Variants in LARP1B observed in about 807,000 individuals in gnomAD.
The protein encoded by LARP1B is la-related protein 1B.
LARP1B carries 76 observed loss-of-function variants against 114.2 expected under a neutral mutation model. The ratio of observed to expected loss-of-function variants is 0.67; its 90% confidence interval spans 0.55 to 0.81. LARP1B has a LOEUF of 0.81. Ranked by LOEUF, LARP1B falls within the 30% of genes least tolerant of loss-of-function variation. The pLI, the probability that LARP1B is intolerant of heterozygous loss-of-function variation, is 0.00. For synonymous variants in LARP1B, 345 were observed against 348.0 expected, an observed-to-expected ratio of 0.99 and a Z score of 0.10; for missense variants, 1,014 against 1,075.8, an observed-to-expected ratio of 0.94 and a Z score of 0.80.
In LARP1B at chr4:128,178,455, A is replaced by C. The variant is rs1429403458; in HGVS notation, c.1709A>C (p.Lys570Thr). 1 of 1,613,720 alleles carries C rather than the reference A, an allele frequency of 6.2e-7. No individual in the cohort carries two copies. The highest frequency in any genetic ancestry group is 1.7e-5 in the Admixed American group (1 of 59,996). ...KKDLTDELAQ[K>T]LFDVSEITSA... ...GATTTGACTGATGAATTAGCTCAGA[A>C]GTTATTTGATGTTTCAGAAATAACT... The change falls in exon 14 of 20, where the codon AAG becomes ACG. Residue 570 changes from lysine (K) to threonine (T), a missense_variant. Physicochemically the swap from Lys to Thr is moderately conservative, Grantham distance 78 (BLOSUM62 -1). Transcript: ENST00000326639.
At chr4:128,087,596 C>T (rs1402021554) in intron 5 of LARP1B, among the ~76,000 whole-genome samples, 2 of 152,162 alleles carry the variant, frequency 1.3e-5, no homozygotes, top group Admixed American at 6.6e-5. Flanking sequence ...GAGATGTTGA[C>T]GCTTTATCAC....
chr4:128,150,720 C>T (rs1732404821), intron 11 of LARP1B, among the ~76,000 whole-genome samples: 2 of 151,788 alleles, frequency 1.3e-5, no homozygotes, highest in Admixed American at 1.3e-4. Flanking sequence ...GACAGCAAGA[C>T]TCTGTCTTGG....
At chr4:128,199,678 A>G (rs1015166143) in intron 16 of LARP1B, 79 bp downstream of exon 16, 8 of 659,614 alleles carry the variant, frequency 1.2e-5, no homozygotes, top group African/African-American at 5.7e-5. Flanking sequence ...TTGTCATTTA[A>G]TATCAGGTTA....
chr4:128,062,286 C>A lies in LARP1B; in HGVS notation c.-78+885C>A. 1.0e-5 allele frequency: 10 copies of A among 985,268 alleles called. No homozygotes were observed. In the South Asian group the frequency reaches 4.7e-4, roughly 46 times the overall value. The allele number at this position is 985,268 out of a possible 1,614,324, so 61.0% of individuals were successfully genotyped here. On this transcript the variant is annotated intron_variant, in intron 1 of 19. Transcript: ENST00000326639. Reference sequence around the variant, plus strand: ...AGGGGCGACTTGCGGGACTTGCCGGCGCGTGGCGGCGGTAGCGGGCACCAG... The same window carrying A: ...AGGGGCGACTTGCGGGACTTGCCGGAGCGTGGCGGCGGTAGCGGGCACCAG...
intron 12 of LARP1B, among the ~76,000 whole-genome samples, 157 bp from the exon 13 acceptor site, chr4:128,176,715 T>A (rs1246881110): frequency 6.6e-6 from 1 of 152,218 alleles, no homozygotes; most frequent in African/African-American, 2.4e-5. Flanking sequence ...TAGTATTCGA[T>A]GCAGTTGTGG....
intron 15 of LARP1B, among the ~76,000 whole-genome samples, chr4:128,194,967 T>G (rs1048486056): frequency 3.3e-5 from 5 of 152,176 alleles, no homozygotes; most frequent in African/African-American, 1.2e-4. Flanking sequence ...CATGGTTATT[T>G]TAAAGTTCAT....
In LARP1B at chr4:128,091,481, G is replaced by A; in HGVS notation, c.637G>A (p.Ala213Thr). The A allele has an allele frequency of 6.2e-7, 1 of 1,610,420 alleles. No homozygotes were observed. Among genetic ancestry groups the A allele is most frequent in the Non-Finnish European group, 8.5e-7 (1 of 1,178,778 alleles). ...TGVQVYPVEE[A>T]LLKEYIKRQI... ...TGTACAGGTGTATCCTGTGGAAGAA[G>A]CATTGCTTAAAGAGTATATTAAGCG... Residue 213 changes from alanine (A) to threonine (T), a missense_variant, in exon 7 of 20, where the codon GCA (alanine) becomes ACA (threonine). Ala to Thr is a moderately conservative substitution (Grantham distance 58). Coordinates refer to ENST00000326639, the MANE Select transcript of LARP1B (RefSeq NM_018078.4).
chr4:128,079,902 C>T (rs140649569), intron 4 of LARP1B, among the ~76,000 whole-genome samples: 4 of 151,896 alleles, frequency 2.6e-5, no homozygotes, highest in Non-Finnish European at 5.9e-5. Flanking sequence ...TAACTGTTCC[C>T]TGCTTCCTAC....
At chr4:128,166,930 TTCTCTCTCTCTC>T (rs56916317) in intron 12 of LARP1B, among the ~76,000 whole-genome samples, 3,057 of 102,988 alleles carry the variant, frequency 0.03, 60 homozygotes, top group African/African-American at 0.06. Context: ...TTATATTCTA[TTCTCTCTCTCTC>T]TCTCTCTCTC....
At chr4:128,202,847 C>T (rs1406207367) in intron 17 of LARP1B, among the ~76,000 whole-genome samples, 1 of 152,172 alleles carries the variant, frequency 6.6e-6, no homozygotes, top group Non-Finnish European at 1.5e-5. Context: ...GAGTTGCAGC[C>T]ATTAATTTAC....
intron 11 of LARP1B, among the ~76,000 whole-genome samples, chr4:128,144,741 C>T (rs1580971907): frequency 6.6e-6 from 1 of 152,004 alleles, no homozygotes; most frequent in Admixed American, 6.6e-5. Context: ...TTTTTAGGCC[C>T]GTCCAAGTAA....
chr4:128,098,770 T>TA lies in LARP1B; in HGVS notation c.813+440_813+441insA, dbSNP rs1217142514. ...GTGTATATATATATATATATATATT[T>TA]TTTTTTTTTTTTTTTTTTTTTTTTT... is the stretch of plus-strand genomic sequence containing the variant. On this transcript the variant is annotated intron_variant, in intron 8 of 19. Transcript: ENST00000326639. Among the ~76,000 whole-genome samples, 23 of 35,548 alleles carry TA rather than the reference T, an allele frequency of 6.5e-4. 1 individual carries two copies. The highest frequency in any genetic ancestry group is 1.2e-3 in the Non-Finnish European group (22 of 18,500). 23.3% of individuals were successfully genotyped at this position (35,548 alleles called of 152,430 possible).
rs1327667046 is a variant in LARP1B at position 128,210,624 on chromosome 4, C to CT, written c.*578dup. 6.5e-5 allele frequency: 61 copies of CT among 938,428 alleles called. No homozygotes were observed. Among genetic ancestry groups the CT allele is most frequent in the Non-Finnish European group, 7.1e-5 (56 of 790,418 alleles). 58.1% of individuals were successfully genotyped at this position (938,428 alleles called of 1,614,324 possible). ...TTTGAGACATATAGTTTAAAGAAAA[C>CT]TTTTTTTAAAACAAAAGTAGGAATA... On this transcript the variant is annotated 3_prime_UTR_variant, in exon 20 of 20. Coordinates refer to ENST00000326639, the MANE Select transcript of LARP1B (RefSeq NM_018078.4).
chr4:128,146,500 T>C (rs932542504), intron 11 of LARP1B, among the ~76,000 whole-genome samples: 1 of 152,200 alleles, frequency 6.6e-6, no homozygotes, highest in Non-Finnish European at 1.5e-5. Context: ...GCAGAAAATA[T>C]GATTTTATTA....
chr4:128,173,563 A>G (rs1256783314), intron 12 of LARP1B, among the ~76,000 whole-genome samples: 1 of 152,222 alleles, frequency 6.6e-6, no homozygotes, highest in Non-Finnish European at 1.5e-5. Context: ...CTGATTTGGT[A>G]GTGATAAAAT....
intron 1 of LARP1B, among the ~76,000 whole-genome samples, chr4:128,066,307 G>A (rs1331728224): frequency 6.6e-6 from 1 of 151,274 alleles, no homozygotes; most frequent in East Asian, 1.9e-4. Context: ...CTCCTGAGTA[G>A]CTGGGACTAC....
chr4:128,212,342 G>C (rs1449900706), downstream of LARP1B, among the ~76,000 whole-genome samples: 2 of 152,096 alleles, frequency 1.3e-5, no homozygotes, highest in Admixed American at 1.3e-4. Flanking sequence ...GGTTTTAGCT[G>C]TTACAAACAA....
chr4:128,114,640 T>G lies in LARP1B; in HGVS notation c.1059T>G (p.Leu353=). The change falls in exon 10 of 20, where the codon CTT becomes CTG. Residue 353 remains leucine (L), a synonymous_variant. Coordinates refer to ENST00000326639, the MANE Select transcript of LARP1B (RefSeq NM_018078.4). ...SPKKNSETSI[L]QAMSRGLSTS... is the part of the protein sequence containing the mutation. ...AGAAAAACAGTGAAACAAGTATTCTTCAAGCAATGTCTAGAGGTTTGTCTA... is the reference window on the plus strand; with the variant it reads ...AGAAAAACAGTGAAACAAGTATTCTGCAAGCAATGTCTAGAGGTTTGTCTA... 1 of 1,613,948 alleles carries G rather than the reference T, an allele frequency of 6.2e-7. No individual in the cohort carries two copies. The highest frequency in any genetic ancestry group is 8.5e-7 in the Non-Finnish European group (1 of 1,179,854).
intron 11 of LARP1B, among the ~76,000 whole-genome samples, chr4:128,124,595 G>A (rs999553346): frequency 3.3e-5 from 5 of 152,200 alleles, no homozygotes; most frequent in Non-Finnish European, 5.9e-5. Flanking sequence ...TTTTGCAAAG[G>A]CAGTGTGACA....
Sources: allele counts gnomAD v4.1 joint callset (sites outside exome capture counted in the v4.1 genomes callset), GRCh38; gene constraint gnomAD v4.1.1; transcripts MANE v1.5; gene names NCBI Gene and HGNC (gene_info 2026-07-23, HGNC 2026-07-21).